HORMAD2: variants seen among roughly 807,000 people sequenced by gnomAD.
HORMAD2 encodes HORMA domain-containing protein 2.
In HORMAD2, 45 loss-of-function variants were observed where a neutral mutation model predicts 38.8. The observed-to-expected ratio is 1.16, with a 90% confidence interval of 0.91 to 1.49. HORMAD2 has a LOEUF of 1.49. Ranked by LOEUF, HORMAD2 falls within the 40% of genes most tolerant of loss-of-function variation. The pLI, the probability that HORMAD2 is intolerant of heterozygous loss-of-function variation, is 0.00. For missense variants in HORMAD2, 338 were observed against 367.0 expected (o/e 0.92, Z 0.65); for synonymous variants, 126 against 122.8 (o/e 1.03, Z -0.17).
chr22:30,162,365 T>C (rs1236076808), intron 10 of HORMAD2, among the ~76,000 whole-genome samples: 1 of 151,896 alleles, frequency 6.6e-6, no homozygotes, highest in East Asian at 1.9e-4. Flanking sequence ...TGTTGTTTAA[T>C]ACAGCAGCCA....
At chr22:30,149,310 A>G (rs919437581) in intron 10 of HORMAD2, among the ~76,000 whole-genome samples, 6 of 152,228 alleles carry the variant, frequency 3.9e-5, no homozygotes, top group African/African-American at 1.2e-4. Context: ...AATGGTAGCC[A>G]CTAACCACAT....
At chr22:30,139,915 C>A (rs1030932666) in intron 10 of HORMAD2, among the ~76,000 whole-genome samples, 1 of 151,770 alleles carries the variant, frequency 6.6e-6, no homozygotes, top group Admixed American at 6.6e-5. Flanking sequence ...AGCTTGCATT[C>A]CTGAGATAGA....
intron 5 of HORMAD2, among the ~76,000 whole-genome samples, chr22:30,109,893 T>G (rs1333000472): frequency 6.6e-6 from 1 of 152,188 alleles, no homozygotes; most frequent in Non-Finnish European, 1.5e-5. Context: ...ATATAACTTT[T>G]TAAGGGTAGG....
intron 10 of HORMAD2, among the ~76,000 whole-genome samples, chr22:30,122,892 AC>A (rs1385116628): frequency 6.6e-6 from 1 of 152,194 alleles, no homozygotes; most frequent in Non-Finnish European, 1.5e-5. Flanking sequence ...TAACTGTATG[AC>A]AACATTGTGT....
intron 10 of HORMAD2, among the ~76,000 whole-genome samples, chr22:30,172,186 A>G (rs536010152): frequency 1.2e-4 from 18 of 152,310 alleles, no homozygotes; most frequent in African/African-American, 3.4e-4. Context: ...CCTAAAAACA[A>G]TGGATGACAT....
chr22:30,134,140 T>C (rs996754084), intron 10 of HORMAD2, among the ~76,000 whole-genome samples: 2 of 152,132 alleles, frequency 1.3e-5, no homozygotes, highest in African/African-American at 4.8e-5. Context: ...GGCTAATGCC[T>C]GTAATCCCAG....
intron 10 of HORMAD2, among the ~76,000 whole-genome samples, chr22:30,126,698 TTAC>T (rs1458700246): frequency 6.6e-6 from 1 of 152,206 alleles, no homozygotes; most frequent in African/African-American, 2.4e-5. Context: ...GGGAATAGAA[TTAC>T]TAGGAGTAGA....
At chr22:30,195,636 G>A in the HORMAD2 span, among the ~76,000 whole-genome samples, 1 of 152,222 alleles carries the variant, frequency 6.6e-6, no homozygotes, top group Non-Finnish European at 1.5e-5. Context: ...GAAATTACCT[G>A]AGATATTTAA....
chr22:30,105,313 G>T, intron 5 of HORMAD2: 1 of 171,150 alleles, frequency 5.8e-6, no homozygotes, highest in Non-Finnish European at 1.3e-5. Flanking sequence ...GTTTGGTCAG[G>T]CACCTGCGAT....
rs570014905 is a variant in HORMAD2, at chr22:30,125,372, G to GCATGTGCCA, written c.819+3160_819+3168dup. Among the ~76,000 whole-genome samples the GCATGTGCCA allele has an allele frequency of 1.5e-4, 23 of 151,424 alleles. No individual in the cohort carries two copies. The South Asian group carries it at 4.8e-3, about 32-fold the overall frequency. The stretch of plus-strand genomic sequence containing the variant: ...GCCTCCTGAGTAGCTGGGATTACAG[G>GCATGTGCCA]CATGTGCCACCACACCCAGCTAATT... On this transcript the variant is annotated intron_variant, in intron 10 of 10. Coordinates refer to ENST00000336726, the MANE Select transcript of HORMAD2 (RefSeq NM_152510.4).
intron 2 of HORMAD2, among the ~76,000 whole-genome samples, chr22:30,094,505 G>A (rs959015652): frequency 2.6e-5 from 4 of 152,198 alleles, no homozygotes; most frequent in Admixed American, 2.6e-4. Context: ...ATATTATGTA[G>A]TATAATATTC....
chr22:30,187,142 A>G, the HORMAD2 span, among the ~76,000 whole-genome samples: 1 of 152,188 alleles, frequency 6.6e-6, no homozygotes, highest in Non-Finnish European at 1.5e-5. Context: ...ACTTTGACTA[A>G]ATGAAAAATT....
chr22:30,082,872 G>A (rs2068509216), intron 1 of HORMAD2, among the ~76,000 whole-genome samples: 1 of 152,110 alleles, frequency 6.6e-6, no homozygotes, highest in African/African-American at 2.4e-5. Flanking sequence ...TGAGATATAG[G>A]TCAAGAGGTA....
chr22:30,207,435 C>G, the HORMAD2 span, among the ~76,000 whole-genome samples: 1 of 152,054 alleles, frequency 6.6e-6, no homozygotes, highest in Non-Finnish European at 1.5e-5. Flanking sequence ...ACCTCTTTAC[C>G]CAAATGCCAT....
intron 10 of HORMAD2, among the ~76,000 whole-genome samples, chr22:30,140,007 G>A (rs993265577): frequency 7.9e-5 from 12 of 151,948 alleles, no homozygotes; most frequent in South Asian, 2.1e-4. Context: ...CTAGTATTTT[G>A]TTGAGGATTT....
chr22:30,132,978 T>C (rs1923390241), intron 10 of HORMAD2, among the ~76,000 whole-genome samples: 1 of 152,088 alleles, frequency 6.6e-6, no homozygotes, highest in Non-Finnish European at 1.5e-5. Context: ...ATAAATAAAT[T>C]TTGTTTAAAA....
chr22:30,147,975 A>G (rs2146193919), intron 10 of HORMAD2, among the ~76,000 whole-genome samples: 2 of 152,268 alleles, frequency 1.3e-5, no homozygotes, highest in Middle Eastern at 6.8e-3. Flanking sequence ...TGATGCAGAA[A>G]TTTTCACTCC....
chr22:30,171,233 A>G (rs1359921595), intron 10 of HORMAD2, among the ~76,000 whole-genome samples: 1 of 152,142 alleles, frequency 6.6e-6, no homozygotes, highest in African/African-American at 2.4e-5. Context: ...ATGACTTTCA[A>G]ATTTACATCT....
chr22:30,103,446 TA>T lies in HORMAD2; in HGVS notation c.208del (p.Ile70SerfsTer35), dbSNP rs1555941757. The T allele has an allele frequency of 6.5e-7, 1 of 1,534,934 alleles. No individual in the cohort carries two copies. Among genetic ancestry groups the T allele is most frequent in the Non-Finnish European group, 8.8e-7 (1 of 1,130,346 alleles). On this transcript the variant is annotated frameshift_variant, in exon 4 of 11. Transcript: ENST00000336726. LOFTEE classifies it high-confidence loss of function. ...YGERHLDDLS[L>X]KILREDKKCP... ...GTTTCTGTTTTTGTAGACCTCAGTT[TA>T]AAAATCCTCCGAGAAGATAAAAAAT...
Sources: gnomAD v4.1 joint callset for allele counts (sites outside exome capture counted in the v4.1 genomes callset) on GRCh38, gnomAD v4.1.1 for gene constraint, MANE v1.5 for transcripts, NCBI Gene and HGNC (gene_info 2026-07-23, HGNC 2026-07-21) for gene names.